BBOX1: variants seen among roughly 807,000 people sequenced by gnomAD.
BBOX1 encodes gamma-butyrobetaine hydroxylase 1, also known as gamma-butyrobetaine dioxygenase.
BBOX1 carries 35 observed loss-of-function variants against 41.6 expected under a neutral mutation model. The ratio of observed to expected loss-of-function variants is 0.84; its 90% CI spans 0.64 to 1.11. The LOEUF is 1.11. Among genes scored for constraint, BBOX1 ranks in the 50% most tolerant of loss-of-function variants. The pLI is 0.00. For missense variants in BBOX1, 458 were observed against 460.6 expected (o/e 0.99, Z 0.05); for synonymous variants, 163 against 154.7 (o/e 1.05, Z -0.40).
chr11:27,046,026 A>C (rs1851476690), intron 2 of BBOX1, among the ~76,000 whole-genome samples: 1 of 152,152 alleles, frequency 6.6e-6, no homozygotes, highest in Non-Finnish European at 1.5e-5. Flanking sequence ...GGTTTGGGGC[A>C]ACCTTTCTCA....
chr11:27,048,991 T>G (rs1186530840), intron 2 of BBOX1, among the ~76,000 whole-genome samples: 3 of 148,318 alleles, frequency 2.0e-5, no homozygotes, highest in Non-Finnish European at 4.4e-5. Flanking sequence ...AGTGAGAATA[T>G]GCGGTGTTTG....
At chr11:27,071,254 CA>C (rs769438745) in intron 4 of BBOX1, among the ~76,000 whole-genome samples, 68 of 151,890 alleles carry the variant, frequency 4.5e-4, no homozygotes, top group Non-Finnish European at 7.5e-4. Flanking sequence ...TGGTGGCAGG[CA>C]CCTGTAGTCC....
At chr11:27,092,790 G>T (rs1858293343) in intron 4 of BBOX1, among the ~76,000 whole-genome samples, 1 of 151,920 alleles carries the variant, frequency 6.6e-6, no homozygotes, top group Admixed American at 6.6e-5. Flanking sequence ...TCATCTATTT[G>T]GAGTTGAGCA....
chr11:27,053,815 TCTC>T (rs1202583713), intron 2 of BBOX1, among the ~76,000 whole-genome samples: 1 of 152,230 alleles, frequency 6.6e-6, no homozygotes, highest in East Asian at 1.9e-4. Flanking sequence ...GTAATAGTGT[TCTC>T]CTACCACTAT....
intron 5 of BBOX1, among the ~76,000 whole-genome samples, chr11:27,104,492 T>G (rs935722601): frequency 1.7e-4 from 26 of 152,296 alleles, no homozygotes; most frequent in African/African-American, 6.3e-4. Flanking sequence ...TTCAGAGAGA[T>G]TCTTTTAAAT....
Position 27,055,046 on chromosome 11 carries a change from C to A in BBOX1, c.-38-347C>A, listed in dbSNP as rs182424969. Among the ~76,000 whole-genome samples the A allele has an allele frequency of 8.5e-5, 13 of 152,250 alleles. No homozygotes were observed. In the East Asian group the frequency reaches 2.5e-3, roughly 29 times the overall value. On this transcript the variant is annotated intron_variant, in intron 2 of 8. Transcript: ENST00000263182. ...CACTTTCAATTTGTGGAACATTTTT[C>A]TTCCTTAAACATTCCAGAGCTTTTA...
At chr11:27,078,958 T>C (rs1005025701) in intron 4 of BBOX1, among the ~76,000 whole-genome samples, 8 of 152,160 alleles carry the variant, frequency 5.3e-5, no homozygotes, top group African/African-American at 1.4e-4. Context: ...TGGCACACTG[T>C]GGATGCTCAA....
intron 4 of BBOX1, among the ~76,000 whole-genome samples, chr11:27,092,841 T>C (rs1858296452): frequency 6.6e-6 from 1 of 151,984 alleles, no homozygotes; most frequent in African/African-American, 2.4e-5. Flanking sequence ...CTCAGAGTTA[T>C]TTCTAAGCAG....
chr11:27,043,775 AT>A (rs1444234151), intron 2 of BBOX1, among the ~76,000 whole-genome samples: 1 of 148,068 alleles, frequency 6.8e-6, no homozygotes, highest in East Asian at 1.9e-4. Flanking sequence ...ACATGAACTC[AT>A]CCTTTTTTAT....
Position 27,093,168 on chromosome 11 carries a change from A to G in BBOX1, c.335A>G (p.Glu112Gly), listed in dbSNP as rs139485651. Residue 112 changes from glutamate (E) to glycine (G), a missense_variant and splice_region_variant, in exon 5 of 9, where the codon GAA (glutamate) becomes GGA (glycine). Glu to Gly is a moderately conservative substitution (Grantham distance 98). Coordinates refer to ENST00000263182, the MANE Select transcript of BBOX1 (RefSeq NM_003986.3). Reference protein sequence around the residue: ...AKLQRELFFPECQYWGSELQL... With the variant: ...AKLQRELFFPGCQYWGSELQL... ...ATTTCTTCATTTTATCAATTCACAG[A>G]ATGCCAATACTGGGGCTCAGAGCTC... is the stretch of plus-strand genomic sequence containing the variant. The G allele has an allele frequency of 3.7e-6, 6 of 1,611,658 alleles. No homozygotes were observed. The highest frequency in any genetic ancestry group is 5.1e-6 in the Non-Finnish European group (6 of 1,178,478).
intron 4 of BBOX1, among the ~76,000 whole-genome samples, chr11:27,077,207 T>C (rs1857662408): frequency 6.6e-6 from 1 of 152,058 alleles, no homozygotes; most frequent in Admixed American, 6.6e-5. Flanking sequence ...CCCTGTGAAG[T>C]AGGACCAAAA....
intron 4 of BBOX1, among the ~76,000 whole-genome samples, chr11:27,080,872 C>T (rs138041017): frequency 4.1e-3 from 630 of 152,228 alleles, no homozygotes; most frequent in African/African-American, 0.015. Flanking sequence ...TTTTCCTCCA[C>T]ATTTAGCTGC....
intron 2 of BBOX1, 43 bp from the exon 3 acceptor site, chr11:27,055,350 A>G: frequency 2.8e-6 from 4 of 1,426,350 alleles, no homozygotes; most frequent in Non-Finnish European, 3.9e-6. Flanking sequence ...CCAAGTTTAG[A>G]TCTTATCTGC....
intron 5 of BBOX1, among the ~76,000 whole-genome samples, chr11:27,104,649 C>G (rs1858795901): frequency 6.6e-6 from 1 of 152,072 alleles, no homozygotes; most frequent in Admixed American, 6.6e-5. Context: ...GTTTGGGGTA[C>G]TAATTTTCAC....
At chr11:27,072,708 G>T (rs1857495641) in intron 4 of BBOX1, among the ~76,000 whole-genome samples, 1 of 152,114 alleles carries the variant, frequency 6.6e-6, no homozygotes, top group African/African-American at 2.4e-5. Flanking sequence ...GCATGGTACT[G>T]GTACCCAAAC....
intron 4 of BBOX1, among the ~76,000 whole-genome samples, chr11:27,078,280 C>G (rs770630119): frequency 6.6e-6 from 1 of 152,154 alleles, no homozygotes; most frequent in African/African-American, 2.4e-5. Flanking sequence ...AACATTGAAA[C>G]AGCAAGTCTT....
At chr11:27,079,909 C>T (rs1379817398) in intron 4 of BBOX1, among the ~76,000 whole-genome samples, 1 of 152,090 alleles carries the variant, frequency 6.6e-6, no homozygotes, top group African/African-American at 2.4e-5. Context: ...TTTGCTCTAT[C>T]ATCAAAATAA....
At chr11:27,060,353 C>G (rs756653038) in intron 4 of BBOX1, among the ~76,000 whole-genome samples, 1 of 152,088 alleles carries the variant, frequency 6.6e-6, no homozygotes, top group Non-Finnish European at 1.5e-5. Flanking sequence ...TCTCCTGAAG[C>G]CTCCCCAAAA....
intron 4 of BBOX1, among the ~76,000 whole-genome samples, chr11:27,069,739 T>C (rs924453432): frequency 6.6e-6 from 1 of 152,130 alleles, no homozygotes; most frequent in Non-Finnish European, 1.5e-5. Context: ...CTTTTCTCCA[T>C]TCAGTATGAT....
Sources: allele counts gnomAD v4.1 joint callset (sites outside exome capture counted in the v4.1 genomes callset), GRCh38; gene constraint gnomAD v4.1.1; transcripts MANE v1.5; gene names NCBI Gene and HGNC (gene_info 2026-07-23, HGNC 2026-07-21).